Variants in DAB1 observed in about 807,000 individuals in gnomAD.
DAB1 encodes disabled homolog 1.
Under a neutral mutation model 64.6 loss-of-function variants are expected in DAB1, and 15 were observed. The observed-to-expected ratio is 0.23, with a 90% CI of 0.16 to 0.36. DAB1 has a LOEUF of 0.36. Ranked by LOEUF, DAB1 falls within the 10% of genes least tolerant of loss-of-function variation. The probability of loss-of-function intolerance (pLI) is 1.00; values close to 1 mark genes in which losing one functional copy is unlikely to be tolerated. For synonymous variants in DAB1, 235 were observed against 251.9 expected, an observed-to-expected ratio of 0.93 and a Z score of 0.64; for missense variants, 596 against 706.7, an observed-to-expected ratio of 0.84 and a Z score of 1.78.
At chr1:58,490,887 G>C (rs1645673160) in intron 3 of DAB1, among the ~76,000 whole-genome samples, 1 of 127,782 alleles carries the variant, frequency 7.8e-6, no homozygotes, top group Admixed American at 9.9e-5. Flanking sequence ...CTCACAGCAA[G>C]CTCTGCCTCC....
intron 5 of DAB1, among the ~76,000 whole-genome samples, chr1:58,026,048 C>T (rs945134864): frequency 2.0e-5 from 3 of 152,028 alleles, no homozygotes; most frequent in Non-Finnish European, 4.4e-5. Context: ...TAATATATTG[C>T]TTTATATCAC....
chr1:58,246,132 A>AC (rs1481663489), intron 4 of DAB1, among the ~76,000 whole-genome samples: 1 of 84 alleles, frequency 0.012, no homozygotes, highest in African/African-American at 0.033. Flanking sequence ...AATTGTTAAC[A>AC]AAAATGAATA....
chr1:58,170,528 G>A (rs1055672842), intron 4 of DAB1, among the ~76,000 whole-genome samples: 1 of 152,098 alleles, frequency 6.6e-6, no homozygotes, highest in Non-Finnish European at 1.5e-5. Flanking sequence ...TTATAATAGG[G>A]ACCAAGAGGA....
At chr1:57,080,671 T>C (rs1160216415) in intron 4 of DAB1, among the ~76,000 whole-genome samples, 1 of 151,994 alleles carries the variant, frequency 6.6e-6, no homozygotes, top group African/African-American at 2.4e-5. Context: ...TGGAGCCAGG[T>C]GTGTTTAATC....
chr1:57,089,378 A>T (rs1231194274), intron 4 of DAB1, among the ~76,000 whole-genome samples: 1 of 152,204 alleles, frequency 6.6e-6, no homozygotes, highest in Non-Finnish European at 1.5e-5. Context: ...TTTATAACAA[A>T]AAGATACGTA....
chr1:57,424,711 C>G (rs1300766876), upstream of DAB1, among the ~76,000 whole-genome samples: 1 of 152,214 alleles, frequency 6.6e-6, no homozygotes, highest in Non-Finnish European at 1.5e-5. Context: ...AGGGGGCGCT[C>G]GCTCCCAGCC....
In DAB1 at chr1:57,300,077, C is replaced by G. The variant is rs17422053; in HGVS notation, c.-136-8911G>C. ...TCCCAACCCCGAGTGGGAATGTGCC[C>G]TATACACCTTTGCATCCACACCAGC... On this transcript the variant is annotated intron_variant, in intron 1 of 14. Coordinates refer to ENST00000371236, the MANE Select transcript of DAB1 (RefSeq NM_001365792.1). Among the ~76,000 whole-genome samples the G allele has an allele frequency of 9.6e-3, 1,457 of 152,282 alleles. 21 individuals are homozygous for G. The highest frequency in any genetic ancestry group is 0.017 in the Middle Eastern group (5 of 294).
At chr1:57,327,592 A>C (rs1394323478) in intron 1 of DAB1, among the ~76,000 whole-genome samples, 1 of 152,178 alleles carries the variant, frequency 6.6e-6, no homozygotes, top group Non-Finnish European at 1.5e-5. Flanking sequence ...CAGGAAAAAA[A>C]GAGGTTAAGA....
chr1:57,219,304 C>T (rs1211956806), intron 2 of DAB1, among the ~76,000 whole-genome samples: 1 of 151,362 alleles, frequency 6.6e-6, no homozygotes, highest in East Asian at 1.9e-4. Context: ...CATAAACACT[C>T]CAGAAGGAAA....
At chr1:57,997,366 TC>T (rs1482679676) in intron 5 of DAB1, among the ~76,000 whole-genome samples, 3 of 152,142 alleles carry the variant, frequency 2.0e-5, no homozygotes, top group Non-Finnish European at 2.9e-5. Context: ...AAGTCAAAGA[TC>T]TAACTGTGCA....
chr1:57,366,954 C>A (rs1231384482), intron 1 of DAB1, among the ~76,000 whole-genome samples: 1 of 151,782 alleles, frequency 6.6e-6, no homozygotes, highest in Non-Finnish European at 1.5e-5. Context: ...CACCTATAAT[C>A]CCGACACTTT....
intron 3 of DAB1, among the ~76,000 whole-genome samples, chr1:58,471,439 C>T (rs774422476): frequency 2.0e-5 from 3 of 152,126 alleles, no homozygotes; most frequent in Non-Finnish European, 4.4e-5. Context: ...AACAGCATTA[C>T]ATAATTGACT....
chr1:57,219,946 C>A (rs1666730035), intron 2 of DAB1, among the ~76,000 whole-genome samples: 1 of 152,156 alleles, frequency 6.6e-6, no homozygotes, highest in Non-Finnish European at 1.5e-5. Flanking sequence ...TAAATGTGTG[C>A]TGTTTAAAGC....
chr1:57,653,930 A>G (rs1275752914), intron 6 of DAB1, among the ~76,000 whole-genome samples: 1 of 152,164 alleles, frequency 6.6e-6, no homozygotes, highest in Non-Finnish European at 1.5e-5. Flanking sequence ...TTGCTCTACA[A>G]AGTGACAGCA....
intron 7 of DAB1, among the ~76,000 whole-genome samples, chr1:57,620,828 C>T (rs1465919127): frequency 6.6e-6 from 1 of 152,192 alleles, no homozygotes; most frequent in Non-Finnish European, 1.5e-5. Context: ...GCGGCAGACA[C>T]ACCTACTGCC....
intron 4 of DAB1, among the ~76,000 whole-genome samples, chr1:57,125,161 C>A (rs1218109858): frequency 6.6e-6 from 1 of 152,174 alleles, no homozygotes; most frequent in East Asian, 1.9e-4. Flanking sequence ...CTCAGTTCAT[C>A]CTTACACATG....
intron 3 of DAB1, among the ~76,000 whole-genome samples, chr1:58,423,693 G>A (rs1644794427): frequency 6.6e-6 from 1 of 152,220 alleles, no homozygotes; most frequent in Admixed American, 6.5e-5. Context: ...GGCAGTGTCT[G>A]CATCCTTCTA....
intron 3 of DAB1, among the ~76,000 whole-genome samples, chr1:58,392,563 A>G (rs1306812778): frequency 6.6e-6 from 1 of 151,960 alleles, no homozygotes; most frequent in Non-Finnish European, 1.5e-5. Flanking sequence ...CTGTCCAGGA[A>G]CACGTTTCAG....
At chr1:57,985,688 C>A (rs1267997883) in intron 5 of DAB1, among the ~76,000 whole-genome samples, 1 of 151,728 alleles carries the variant, frequency 6.6e-6, no homozygotes, top group Admixed American at 6.6e-5. Context: ...ACACTGGAGT[C>A]TTGAGTTAGG....
Sources: gnomAD v4.1 joint callset for allele counts (sites outside exome capture counted in the v4.1 genomes callset) on GRCh38, gnomAD v4.1.1 for gene constraint, MANE v1.5 for transcripts, NCBI Gene and HGNC (gene_info 2026-07-23, HGNC 2026-07-21) for gene names.